Variants in ATRNL1 observed in about 807,000 individuals in gnomAD.
The protein encoded by ATRNL1 is attractin like 1.
Under a neutral mutation model 182.7 loss-of-function variants are expected in ATRNL1, and 95 were observed. The observed-to-expected ratio is 0.52, with a 90% CI of 0.44 to 0.62. The LOEUF (loss-of-function observed/expected upper bound fraction) is 0.62. Ranked by LOEUF, ATRNL1 falls within the 20% of genes least tolerant of loss-of-function variation. ATRNL1 has a pLI of 0.00. For missense variants in ATRNL1, 1,471 were observed against 1,679.5 expected (o/e 0.88, Z 2.17); for synonymous variants, 576 against 568.3 (o/e 1.01, Z -0.19).
At chr10:115,516,877 C>T (rs1265468168) in intron 24 of ATRNL1, among the ~76,000 whole-genome samples, 3 of 151,768 alleles carry the variant, frequency 2.0e-5, no homozygotes, top group African/African-American at 7.2e-5. Context: ...CCAAATTAGC[C>T]GCAAATCCTC....
intron 27 of ATRNL1, among the ~76,000 whole-genome samples, chr10:115,831,879 A>G (rs2134313621): frequency 6.6e-6 from 1 of 152,244 alleles, no homozygotes; most frequent in South Asian, 2.1e-4. Context: ...TGCTATAGCT[A>G]CCTGCTATTA....
intron 21 of ATRNL1, among the ~76,000 whole-genome samples, chr10:115,456,109 A>G (rs1270573781): frequency 6.6e-6 from 1 of 152,174 alleles, no homozygotes; most frequent in African/African-American, 2.4e-5. Flanking sequence ...TAGAAATACC[A>G]TTTGACCTAG....
intron 27 of ATRNL1, among the ~76,000 whole-genome samples, chr10:115,811,075 T>G (rs185063837): frequency 6.6e-6 from 1 of 152,052 alleles, no homozygotes; most frequent in African/African-American, 2.4e-5. Context: ...GCTTGGAACA[T>G]TGATTAGAGA....
chr10:115,765,710 C>T (rs1215888843), intron 27 of ATRNL1, among the ~76,000 whole-genome samples: 1 of 152,140 alleles, frequency 6.6e-6, no homozygotes, highest in Non-Finnish European at 1.5e-5. Flanking sequence ...AAAATTATTA[C>T]AGTACCGCAG....
chr10:115,897,613 G>A (rs1423218809), intron 28 of ATRNL1, among the ~76,000 whole-genome samples: 2 of 152,114 alleles, frequency 1.3e-5, no homozygotes, highest in African/African-American at 2.4e-5. Flanking sequence ...GAATGGGAGA[G>A]TGTCCTCACA....
intron 28 of ATRNL1, among the ~76,000 whole-genome samples, chr10:115,925,173 TA>T (rs1220974785): frequency 6.6e-6 from 1 of 152,172 alleles, no homozygotes; most frequent in African/African-American, 2.4e-5. Context: ...TTTCTAAATA[TA>T]AAATCATGTC....
At chr10:115,571,405 T>A (rs1555003421) in intron 26 of ATRNL1, among the ~76,000 whole-genome samples, 1 of 152,226 alleles carries the variant, frequency 6.6e-6, no homozygotes, top group Non-Finnish European at 1.5e-5. Flanking sequence ...TCCAACACTA[T>A]CTATTAATAC....
chr10:115,162,401 A>G (rs1173383645), intron 6 of ATRNL1, among the ~76,000 whole-genome samples: 1 of 152,006 alleles, frequency 6.6e-6, no homozygotes, highest in East Asian at 1.9e-4. Flanking sequence ...GAGCCAGATC[A>G]AAGACTTAAG....
At chr10:115,715,555 G>T (rs1367420729) in intron 26 of ATRNL1, among the ~76,000 whole-genome samples, 2 of 152,180 alleles carry the variant, frequency 1.3e-5, no homozygotes, top group African/African-American at 2.4e-5. Context: ...CCCCCAAAGG[G>T]CATTGACCTG....
At chr10:115,883,884 A>G (rs1951883908) in intron 28 of ATRNL1, among the ~76,000 whole-genome samples, 1 of 152,250 alleles carries the variant, frequency 6.6e-6, no homozygotes, top group African/African-American at 2.4e-5. Context: ...CAAACTGTCC[A>G]TTCAGCCTGC....
At chr10:115,761,964 C>T (rs1386500667) in intron 27 of ATRNL1, among the ~76,000 whole-genome samples, 3 of 152,134 alleles carry the variant, frequency 2.0e-5, no homozygotes, top group Non-Finnish European at 4.4e-5. Context: ...CACAAGGGCT[C>T]TTTTCTCTTT....
intron 28 of ATRNL1, among the ~76,000 whole-genome samples, chr10:115,895,622 A>G (rs1200996822): frequency 6.6e-6 from 1 of 152,230 alleles, no homozygotes; most frequent in Non-Finnish European, 1.5e-5. Context: ...CATCCACTGA[A>G]TACCGGACAC....
At chr10:115,134,607 C>T (rs142645211) in intron 5 of ATRNL1, among the ~76,000 whole-genome samples, 133 of 152,260 alleles carry the variant, frequency 8.7e-4, no homozygotes, top group African/African-American at 3.1e-3. Context: ...ACCAGAGGTA[C>T]AAGGAGGAGC....
intron 27 of ATRNL1, among the ~76,000 whole-genome samples, chr10:115,816,798 G>C (rs1344692217): frequency 1.3e-5 from 2 of 152,086 alleles, no homozygotes; most frequent in African/African-American, 4.8e-5. Context: ...TCATCACTGT[G>C]AGGAATGGGA....
chr10:115,196,456 C>A (rs1848364436), intron 8 of ATRNL1, among the ~76,000 whole-genome samples: 1 of 151,970 alleles, frequency 6.6e-6, no homozygotes, highest in African/African-American at 2.4e-5. Context: ...ATCAACTTGT[C>A]AATTTTTGAA....
intron 27 of ATRNL1, among the ~76,000 whole-genome samples, chr10:115,789,045 G>A (rs1417486810): frequency 2.0e-5 from 3 of 152,192 alleles, no homozygotes; most frequent in Non-Finnish European, 4.4e-5. Context: ...AAAGCCACTT[G>A]TGTTTAGTTG....
At position 115,338,584 on chromosome 10, in the gene ATRNL1, T is replaced by C. The variant is rs116553438; in HGVS notation, c.3175+4165T>C. Among the ~76,000 whole-genome samples, 1,305 of 152,334 alleles carry C rather than the reference T, an allele frequency of 8.6e-3. 17 individuals are homozygous for C. The highest frequency in any genetic ancestry group is 0.028 in the African/African-American group (1,159 of 41,578). Reference sequence around the variant, plus strand: ...CTTTTTGATTGGATTATTAGATTTTTTTCTGTGGCATTGTTTCAGCTTCTT... The same window carrying C: ...CTTTTTGATTGGATTATTAGATTTTCTTCTGTGGCATTGTTTCAGCTTCTT... On this transcript the variant is annotated intron_variant, in intron 19 of 28. Coordinates refer to ENST00000355044, the MANE Select transcript of ATRNL1 (RefSeq NM_207303.4).
chr10:115,882,818 G>T (rs782028990), intron 28 of ATRNL1, among the ~76,000 whole-genome samples: 1 of 152,214 alleles, frequency 6.6e-6, no homozygotes, highest in Non-Finnish European at 1.5e-5. Flanking sequence ...ATAGACAGAT[G>T]TCTACAGGTA....
chr10:115,304,514 C>G lies in ATRNL1; in HGVS notation c.2818+2471C>G, dbSNP rs558589090. On this transcript the variant is annotated intron_variant, in intron 17 of 28. Transcript: ENST00000355044. ...AATAGGCAAGAAAGAAAAGAAAAGG[C>G]AGAAGGTTCGCTCTTACAGAGACAG... 3.3e-5 allele frequency among the ~76,000 whole-genome samples: 5 copies of G among 152,230 alleles called. No homozygotes were observed. The South Asian group carries it at 1.0e-3, about 32-fold the overall frequency.
Sources: gnomAD v4.1 joint callset for allele counts (sites outside exome capture counted in the v4.1 genomes callset) on GRCh38, gnomAD v4.1.1 for gene constraint, MANE v1.5 for transcripts, NCBI Gene and HGNC (gene_info 2026-07-23, HGNC 2026-07-21) for gene names.